NR2F1-AS1: variants seen among roughly 807,000 people sequenced by gnomAD.
The protein encoded by NR2F1-AS1 is NR2F1 regulatory antisense RNA 1, also known as NR2F1 antisense RNA 1.
At chr5:93,413,065 TGTG>T (rs1275778804) in intron 4 of NR2F1-AS1, among the ~76,000 whole-genome samples, 2 of 28,516 alleles carry the variant, frequency 7.0e-5, no homozygotes, top group African/African-American at 3.5e-4. Flanking sequence ...AGCACTATGG[TGTG>T]TGTGTGTGTG....
intron 4 of NR2F1-AS1, chr5:93,543,449 A>T (rs191410104): frequency 2.2e-3 from 335 of 152,354 alleles, no homozygotes; most frequent in African/African-American, 7.8e-3. Flanking sequence ...AGAAATGAAA[A>T]CACAATGACT....
At chr5:93,473,040 G>A (rs1750402287) in intron 4 of NR2F1-AS1, among the ~76,000 whole-genome samples, 1 of 151,838 alleles carries the variant, frequency 6.6e-6, no homozygotes, top group African/African-American at 2.4e-5. Flanking sequence ...ACCAAGTTAA[G>A]GCCCATGTGT....
intron 4 of NR2F1-AS1, among the ~76,000 whole-genome samples, chr5:93,447,506 T>C (rs1749739268): frequency 6.6e-6 from 1 of 152,140 alleles, no homozygotes; most frequent in Non-Finnish European, 1.5e-5. Context: ...CACAATGAGA[T>C]ACCATCTCAA....
At chr5:93,412,018 CAG>C (rs1181447866) in intron 4 of NR2F1-AS1, among the ~76,000 whole-genome samples, 5 of 152,280 alleles carry the variant, frequency 3.3e-5, no homozygotes, top group African/African-American at 1.2e-4. Flanking sequence ...GGGTCAAAGA[CAG>C]AGGCACACAT....
At position 93,564,816 on chromosome 5, in the gene NR2F1-AS1, C is replaced by T. The variant is rs538093737; in HGVS notation, n.314-1353G>A. ...AAAAAATTAACTGTAGAGTAAGAAG[C>T]CTATTGAAAACCTCATTATATCTAA... On this transcript the variant is annotated intron_variant and non_coding_transcript_variant, in intron 1 of 5. Coordinates refer to ENST00000660523, the Ensembl canonical transcript of NR2F1-AS1. 8.5e-5 allele frequency among the ~76,000 whole-genome samples: 13 copies of T among 152,164 alleles called. No homozygotes were observed. The South Asian group carries it at 2.7e-3, about 32-fold the overall frequency.
chr5:93,580,325 C>G (rs748116126), intron 1 of NR2F1-AS1: 1 of 152,342 alleles, frequency 6.6e-6, no homozygotes, highest in Non-Finnish European at 1.5e-5. Flanking sequence ...GAGCAGGCCC[C>G]GAAGAAAGTT....
At chr5:93,507,209 T>TA (rs1751202877) in intron 4 of NR2F1-AS1, among the ~76,000 whole-genome samples, 1 of 152,210 alleles carries the variant, frequency 6.6e-6, no homozygotes, top group Non-Finnish European at 1.5e-5. Flanking sequence ...ACCTGATATT[T>TA]AATAGTAAAA....
At chr5:93,540,510 C>A (rs1476094480) in intron 4 of NR2F1-AS1, among the ~76,000 whole-genome samples, 3 of 152,158 alleles carry the variant, frequency 2.0e-5, no homozygotes, top group Non-Finnish European at 2.9e-5. Flanking sequence ...TATCTGCTTG[C>A]CAGCATCCAT....
At chr5:93,411,899 C>T (rs1748865367) in intron 4 of NR2F1-AS1, among the ~76,000 whole-genome samples, 1 of 152,182 alleles carries the variant, frequency 6.6e-6, no homozygotes, top group African/African-American at 2.4e-5. Flanking sequence ...CATCCTGTGG[C>T]ACCATATGGA....
chr5:93,464,118 C>G (rs918625242), intron 4 of NR2F1-AS1, among the ~76,000 whole-genome samples: 17 of 152,134 alleles, frequency 1.1e-4, no homozygotes, highest in Non-Finnish European at 2.9e-5. Flanking sequence ...CCCACAATTT[C>G]AACATATCAT....
chr5:93,454,878 A>C (rs762936866), intron 4 of NR2F1-AS1, among the ~76,000 whole-genome samples: 1 of 152,068 alleles, frequency 6.6e-6, no homozygotes, highest in African/African-American at 2.4e-5. Flanking sequence ...TGGAAGCTCT[A>C]TGCCTCTTCC....
In NR2F1-AS1 at chr5:93,509,315, T is replaced by C. The variant is rs1314979781; in HGVS notation, n.638+44446A>G. ...TCTCTGCAATAATGAAAATGGTCAG[T>C]ATCTGCATTGTCTAATACAGCAGCC... On this transcript the variant is annotated intron_variant and non_coding_transcript_variant, in intron 4 of 5. Transcript: ENST00000660523. 3.3e-5 allele frequency among the ~76,000 whole-genome samples: 5 copies of C among 152,128 alleles called. No homozygotes were observed. In the East Asian group the frequency reaches 5.8e-4, roughly 18 times the overall value.
intron 4 of NR2F1-AS1, chr5:93,541,726 AC>A (rs1179438530): frequency 6.6e-6 from 1 of 151,896 alleles, no homozygotes; most frequent in African/African-American, 2.4e-5. Flanking sequence ...GAGAAATGAA[AC>A]CTATTGTCAG....
At chr5:93,508,336 T>C (rs1322530414) in intron 4 of NR2F1-AS1, among the ~76,000 whole-genome samples, 2 of 152,060 alleles carry the variant, frequency 1.3e-5, no homozygotes, top group Admixed American at 6.6e-5. Context: ...CTGAATATTG[T>C]TGGTACGCTA....
At chr5:93,495,526 A>G (rs918590054) in intron 4 of NR2F1-AS1, among the ~76,000 whole-genome samples, 6 of 152,260 alleles carry the variant, frequency 3.9e-5, no homozygotes, top group African/African-American at 1.4e-4. Context: ...CTAAATGTTT[A>G]CAGATTTTTC....
chr5:93,475,587 T>C (rs1276366161), intron 4 of NR2F1-AS1, among the ~76,000 whole-genome samples: 3 of 152,218 alleles, frequency 2.0e-5, no homozygotes, highest in African/African-American at 7.2e-5. Context: ...TGAACAAGTA[T>C]CTTACTAGAT....
At chr5:93,475,738 TC>T (rs1313102702) in intron 4 of NR2F1-AS1, among the ~76,000 whole-genome samples, 1 of 152,222 alleles carries the variant, frequency 6.6e-6, no homozygotes, top group African/African-American at 2.4e-5. Flanking sequence ...ATTGCCCCTT[TC>T]AGTATCACTT....
In NR2F1-AS1 at chr5:93,466,045, C is replaced by T. The variant is rs565543057; in HGVS notation, n.639-70503G>A. Among the ~76,000 whole-genome samples, 6 of 151,616 alleles carry T rather than the reference C, an allele frequency of 4.0e-5. No homozygotes were observed. The South Asian group carries it at 1.3e-3, about 32-fold the overall frequency. On this transcript the variant is annotated intron_variant and non_coding_transcript_variant, in intron 4 of 5. Coordinates refer to ENST00000660523, the Ensembl canonical transcript of NR2F1-AS1. ...ATATGTAACAAACCTGCACGTTGTG[C>T]ACATGTACCCTAGAACTTAAAAGTA...
At chr5:93,430,942 A>C (rs895642097) in intron 4 of NR2F1-AS1, among the ~76,000 whole-genome samples, 3 of 151,150 alleles carry the variant, frequency 2.0e-5, no homozygotes, top group Admixed American at 1.3e-4. Context: ...AGGAAATCCT[A>C]AGGGGTCAGC....
Sources: allele counts gnomAD v4.1 joint callset (sites outside exome capture counted in the v4.1 genomes callset), GRCh38; gene constraint gnomAD v4.1.1; transcripts MANE v1.5; gene names NCBI Gene and HGNC (gene_info 2026-07-23, HGNC 2026-07-21).